PREX1: variants seen among roughly 807,000 people sequenced by gnomAD.
PREX1 encodes the protein phosphatidylinositol 3,4,5-trisphosphate-dependent Rac exchanger 1 protein.
In PREX1, 41 loss-of-function variants were observed where a neutral mutation model predicts 198.3. The observed-to-expected ratio is 0.21, with a 90% CI of 0.16 to 0.27. The LOEUF is 0.27. Ranked by LOEUF, PREX1 falls within the 10% of genes least tolerant of loss-of-function variation. The pLI is 1.00. For synonymous variants in PREX1, 843 were observed against 887.2 expected, an observed-to-expected ratio of 0.95 and a Z score of 0.89; for missense variants, 1,620 against 2,200.7, an observed-to-expected ratio of 0.74 and a Z score of 5.28.
At chr20:48,722,051 C>T (rs537468707) in intron 5 of PREX1, among the ~76,000 whole-genome samples, 123 of 152,248 alleles carry the variant, frequency 8.1e-4, no homozygotes, top group African/African-American at 2.8e-3. Context: ...AGAAACTCAA[C>T]GGGCCGGAAG....
chr20:48,672,862 C>T (rs2122990448), intron 14 of PREX1, among the ~76,000 whole-genome samples: 1 of 152,326 alleles, frequency 6.6e-6, no homozygotes, highest in East Asian at 1.9e-4. Flanking sequence ...GCACCTAGCA[C>T]CAGCGGGCAT....
At chr20:48,711,008 G>C (rs998276011) in intron 5 of PREX1, among the ~76,000 whole-genome samples, 5 of 152,248 alleles carry the variant, frequency 3.3e-5, no homozygotes, top group African/African-American at 1.2e-4. Flanking sequence ...ATGGGGGTAT[G>C]AGCAGAGGCC....
chr20:48,706,170 C>G (rs1330341949), intron 6 of PREX1, among the ~76,000 whole-genome samples: 1 of 152,166 alleles, frequency 6.6e-6, no homozygotes, highest in African/African-American at 2.4e-5. Flanking sequence ...TTTTAGAGAC[C>G]CTTGGTTTCC....
At chr20:48,749,936 C>T (rs1202820181) in intron 1 of PREX1, among the ~76,000 whole-genome samples, 2 of 151,950 alleles carry the variant, frequency 1.3e-5, no homozygotes, top group African/African-American at 2.4e-5. Context: ...TGTTTATATC[C>T]CCAGCCTGGA....
intron 18 of PREX1, 35 bp from the exon 19 acceptor site, chr20:48,655,410 T>C (rs377580263): frequency 5.6e-6 from 8 of 1,440,632 alleles, no homozygotes; most frequent in East Asian, 2.6e-5. Context: ...AAAAAGGCCA[T>C]GAGGAAAACC....
At chr20:48,746,535 TA>T (rs2090108151) in intron 2 of PREX1, among the ~76,000 whole-genome samples, 1 of 152,216 alleles carries the variant, frequency 6.6e-6, no homozygotes. Flanking sequence ...CACTTTAATG[TA>T]AATTTCAAGA....
At chr20:48,873,677 G>A in the PREX1 span, among the ~76,000 whole-genome samples, 1 of 151,684 alleles carries the variant, frequency 6.6e-6, no homozygotes, top group Non-Finnish European at 1.5e-5. Context: ...CTGAGATTGT[G>A]CCACTTCACT....
chr20:48,876,162 G>C, the PREX1 span, among the ~76,000 whole-genome samples: 1 of 152,140 alleles, frequency 6.6e-6, no homozygotes, highest in African/African-American at 2.4e-5. Flanking sequence ...AGATGGGGGT[G>C]ATAGATCCTG....
chr20:48,709,759 C>A (rs978749138), intron 5 of PREX1, among the ~76,000 whole-genome samples: 1 of 152,130 alleles, frequency 6.6e-6, no homozygotes. Context: ...TCAATATATG[C>A]GAGCCATTAG....
chr20:48,833,267 C>T, the PREX1 span, among the ~76,000 whole-genome samples: 1 of 152,112 alleles, frequency 6.6e-6, no homozygotes, highest in Non-Finnish European at 1.5e-5. Flanking sequence ...AGATAGGACA[C>T]TTCTAACTAA....
intron 15 of PREX1, among the ~76,000 whole-genome samples, chr20:48,662,400 C>T (rs6122709): frequency 9.9e-5 from 15 of 152,270 alleles, no homozygotes; most frequent in East Asian, 7.7e-4. Flanking sequence ...GCTGCTGGTC[C>T]GGCTTTATAG....
chr20:48,744,932 A>C, intron 3 of PREX1, 93 bp downstream of exon 3: 3 of 1,502,152 alleles, frequency 2.0e-6, no homozygotes, highest in Non-Finnish European at 2.7e-6. Flanking sequence ...AGGCCTACAG[A>C]GGAAGCTGGT....
intron 1 of PREX1, among the ~76,000 whole-genome samples, chr20:48,774,995 G>A (rs1568859676): frequency 6.6e-6 from 1 of 152,196 alleles, no homozygotes; most frequent in Non-Finnish European, 1.5e-5. Context: ...ACTAGCCAGT[G>A]GGAGACAGGA....
At position 48,650,084 on chromosome 20, in the gene PREX1, G is replaced by A. The variant is rs1288125691; in HGVS notation, c.2940C>T (p.Ser980=). 1.2e-6 allele frequency: 2 copies of A among 1,614,206 alleles called. No individual in the cohort carries two copies. Among genetic ancestry groups the A allele is most frequent in the Non-Finnish European group, 1.7e-6 (2 of 1,180,024 alleles). The change falls in exon 24 of 40, where the codon TCC becomes TCT. Residue 980 remains serine, a synonymous_variant. Transcript: ENST00000371941. ...TNCHINLMEV[S]YPKTTPSVGR... is the part of the protein sequence containing the mutation. ...CCACTGAGGGGGTGGTCTTGGGGTAGGACACTTCCATGAGGTTGATGTGGC... is the reference window on the plus strand; with the variant it reads ...CCACTGAGGGGGTGGTCTTGGGGTAAGACACTTCCATGAGGTTGATGTGGC...
intron 1 of PREX1, among the ~76,000 whole-genome samples, chr20:48,785,597 C>T (rs767336286): frequency 5.3e-5 from 8 of 152,236 alleles, no homozygotes; most frequent in Admixed American, 3.9e-4. Flanking sequence ...GCTCAGGCCT[C>T]ATCGCTGATG....
the PREX1 span, among the ~76,000 whole-genome samples, chr20:48,859,403 T>C: frequency 1.3e-5 from 2 of 152,116 alleles, no homozygotes; most frequent in Admixed American, 1.3e-4. Flanking sequence ...AAATGCCCCA[T>C]GAAGATTCTC....
chr20:48,678,407 C>T (rs186206157), intron 13 of PREX1, among the ~76,000 whole-genome samples: 278 of 151,774 alleles, frequency 1.8e-3, no homozygotes, highest in Non-Finnish European at 2.9e-3. Context: ...GAGGTTGAGA[C>T]TGCAGTGAGC....
chr20:48,638,336 T>C (rs1250295186), intron 30 of PREX1, among the ~76,000 whole-genome samples: 1 of 151,648 alleles, frequency 6.6e-6, no homozygotes, highest in South Asian at 2.1e-4. Context: ...GACACACGAG[T>C]GCACACATAA....
intron 17 of PREX1, among the ~76,000 whole-genome samples, chr20:48,657,609 T>C (rs2089555260): frequency 6.6e-6 from 1 of 152,164 alleles, no homozygotes; most frequent in Admixed American, 6.5e-5. Context: ...GCTCCGGCCA[T>C]GGGTATGTCG....
Sources: allele counts gnomAD v4.1 joint callset (sites outside exome capture counted in the v4.1 genomes callset), GRCh38; gene constraint gnomAD v4.1.1; transcripts MANE v1.5; gene names NCBI Gene and HGNC (gene_info 2026-07-23, HGNC 2026-07-21).